Variants in LRMDA observed in about 807,000 individuals in gnomAD.
LRMDA encodes the protein leucine rich melanocyte differentiation associated.
Under a neutral mutation model 29.8 loss-of-function variants are expected in LRMDA, and 18 were observed. The ratio of observed to expected loss-of-function variants is 0.60; its 90% CI spans 0.42 to 0.90. The LOEUF (loss-of-function observed/expected upper bound fraction) is 0.90, where lower values mean the gene tolerates loss of function less well. Ranked by LOEUF, LRMDA falls within the 40% of genes least tolerant of loss-of-function variation. The pLI is 0.00. For synonymous variants in LRMDA, 125 were observed against 109.4 expected, an observed-to-expected ratio of 1.14 and a Z score of -0.89; for missense variants, 273 against 273.9, an observed-to-expected ratio of 1.00 and a Z score of 0.02.
intron 2 of LRMDA, among the ~76,000 whole-genome samples, chr10:75,813,449 C>T (rs1320056331): frequency 1.3e-5 from 2 of 152,228 alleles, no homozygotes; most frequent in African/African-American, 4.8e-5. Flanking sequence ...AGCTCCCCAG[C>T]TGATTTCCAT....
intron 2 of LRMDA, among the ~76,000 whole-genome samples, chr10:75,595,202 A>G (rs1840771245): frequency 6.6e-6 from 1 of 152,200 alleles, no homozygotes; most frequent in Non-Finnish European, 1.5e-5. Context: ...TAATCAAAGC[A>G]CTCACTTTTG....
chr10:75,891,106 CAA>C (rs5786197), intron 2 of LRMDA, among the ~76,000 whole-genome samples: 29 of 146,266 alleles, frequency 2.0e-4, no homozygotes, highest in Non-Finnish European at 2.0e-4. Flanking sequence ...CTCAGTCTCA[CAA>C]AAAAAAAAAA....
At chr10:75,774,010 A>G (rs1843276615) in intron 2 of LRMDA, among the ~76,000 whole-genome samples, 1 of 152,254 alleles carries the variant, frequency 6.6e-6, no homozygotes, top group South Asian at 2.1e-4. Flanking sequence ...TAGTATGAGT[A>G]CATGGTAGGT....
At chr10:76,206,863 C>T (rs1435751850) in intron 5 of LRMDA, among the ~76,000 whole-genome samples, 3 of 152,220 alleles carry the variant, frequency 2.0e-5, no homozygotes, top group African/African-American at 7.2e-5. Flanking sequence ...CAGAGCCTAC[C>T]TATCTCCTTA....
intron 2 of LRMDA, among the ~76,000 whole-genome samples, chr10:75,691,262 G>GTA (rs3041681): frequency 0.18 from 24,964 of 140,892 alleles, 5,509 homozygotes; most frequent in African/African-American, 0.51. Flanking sequence ...ATGTATATGT[G>GTA]TATATATATA....
intron 6 of LRMDA, among the ~76,000 whole-genome samples, chr10:76,438,196 G>A (rs913308086): frequency 1.3e-5 from 2 of 152,148 alleles, no homozygotes; most frequent in African/African-American, 2.4e-5. Flanking sequence ...TAAGCAGCGG[G>A]TCAGGGCCCA....
intron 2 of LRMDA, among the ~76,000 whole-genome samples, chr10:75,944,457 T>C (rs1846444389): frequency 6.6e-6 from 1 of 152,020 alleles, no homozygotes; most frequent in Non-Finnish European, 1.5e-5. Flanking sequence ...TTTACCAAAT[T>C]TGTGGGGGTT....
chr10:76,295,222 G>A (rs1840397228), intron 5 of LRMDA, among the ~76,000 whole-genome samples: 1 of 152,160 alleles, frequency 6.6e-6, no homozygotes, highest in Non-Finnish European at 1.5e-5. Context: ...TAAACAAAAT[G>A]ATATTCTTCC....
At chr10:75,889,575 G>C (rs962424661) in intron 2 of LRMDA, among the ~76,000 whole-genome samples, 1 of 152,216 alleles carries the variant, frequency 6.6e-6, no homozygotes, top group African/African-American at 2.4e-5. Flanking sequence ...GTAACTGTGA[G>C]CAGCAAGAAT....
At chr10:75,883,143 C>G (rs1237922493) in intron 2 of LRMDA, 1 of 152,148 alleles carries the variant, frequency 6.6e-6, no homozygotes, top group Non-Finnish European at 1.5e-5. Flanking sequence ...ACCTCTCAAG[C>G]CAAATGCTGA....
chr10:75,794,854 T>A (rs1205149042), intron 2 of LRMDA, among the ~76,000 whole-genome samples: 4 of 152,212 alleles, frequency 2.6e-5, no homozygotes, highest in African/African-American at 9.6e-5. Context: ...TTATTTCAAA[T>A]TTTTCTTCCA....
Position 75,481,248 on chromosome 10 carries a change from G to A in LRMDA, c.131+42754G>A, listed in dbSNP as rs2082151. On this transcript the variant is annotated intron_variant, in intron 2 of 6. Transcript: ENST00000611255. ...AGTTTAGCGTGAGAAGAGATTATAG[G>A]GTGAATGTGAGGATTGAAGGAATGA... Among the ~76,000 whole-genome samples, 304 of 152,158 alleles carry A rather than the reference G, an allele frequency of 2.0e-3. 4 individuals are homozygous for A. Among genetic ancestry groups the A allele is most frequent in the South Asian group, 0.019 (92 of 4,828 alleles).
chr10:76,373,591 A>C (rs1841481409), intron 6 of LRMDA, among the ~76,000 whole-genome samples: 1 of 152,012 alleles, frequency 6.6e-6, no homozygotes, highest in African/African-American at 2.4e-5. Context: ...CACTACCATC[A>C]GTTGCATTGG....
intron 2 of LRMDA, among the ~76,000 whole-genome samples, chr10:75,572,126 G>T (rs1840444534): frequency 6.6e-6 from 1 of 152,016 alleles, no homozygotes; most frequent in Non-Finnish European, 1.5e-5. Context: ...GCTAATTTTT[G>T]TATTTTTAGT....
chr10:76,363,260 AAGGAAG>A (rs1841348831), intron 6 of LRMDA, among the ~76,000 whole-genome samples: 1 of 61,138 alleles, frequency 1.6e-5, no homozygotes, highest in African/African-American at 6.5e-5. Context: ...AGAAAGAAGG[AAGGAAG>A]GAAGGAAGGA....
intron 6 of LRMDA, among the ~76,000 whole-genome samples, chr10:76,533,558 A>C (rs1843258201): frequency 6.6e-6 from 1 of 152,140 alleles, no homozygotes; most frequent in Non-Finnish European, 1.5e-5. Flanking sequence ...TAATTAATTA[A>C]CGGAGGCTCT....
At chr10:75,748,782 T>C (rs1039408200) in intron 2 of LRMDA, among the ~76,000 whole-genome samples, 11 of 152,166 alleles carry the variant, frequency 7.2e-5, no homozygotes, top group African/African-American at 2.2e-4. Context: ...TTCAATAATA[T>C]AATGTTCAAT....
At chr10:75,549,729 C>T (rs1284163363) in intron 2 of LRMDA, among the ~76,000 whole-genome samples, 1 of 152,110 alleles carries the variant, frequency 6.6e-6, no homozygotes, top group African/African-American at 2.4e-5. Flanking sequence ...ATGTAACCAC[C>T]ATCATCATAA....
At chr10:76,425,906 TCCATGTCCCTACAAAGG>T (rs1325280203) in intron 6 of LRMDA, among the ~76,000 whole-genome samples, 1 of 152,206 alleles carries the variant, frequency 6.6e-6, no homozygotes, top group Non-Finnish European at 1.5e-5. Flanking sequence ...TCCAGCTTCA[TCCATGTCCCTACAAAGG>T]ACATGAACTC....
Sources: allele counts gnomAD v4.1 joint callset (sites outside exome capture counted in the v4.1 genomes callset), GRCh38; gene constraint gnomAD v4.1.1; transcripts MANE v1.5; gene names NCBI Gene and HGNC (gene_info 2026-07-23, HGNC 2026-07-21).